The following PRR3 variants were observed in gnomAD, a reference collection of about 807,000 sequenced individuals.
PRR3 encodes the protein proline-rich protein 3.
A neutral mutation model predicts 22.4 loss-of-function variants in PRR3; 16 were observed. The ratio of observed to expected loss-of-function variants is 0.71; its 90% CI spans 0.48 to 1.09. PRR3 has a LOEUF of 1.09. PRR3 is among the 50% of genes least tolerant of loss of function. The pLI is 0.00. For synonymous variants in PRR3, 87 were observed against 88.6 expected (o/e 0.98, Z 0.10); for missense variants, 224 against 243.4 (o/e 0.92, Z 0.53).
In PRR3 at chr6:30,561,691, G is replaced by T. The variant is rs1355300756; in HGVS notation, c.170-143G>T. 1 of 707,232 alleles carries T rather than the reference G, an allele frequency of 1.4e-6. No individual in the cohort carries two copies. The highest frequency in any genetic ancestry group is 1.8e-5 in the African/African-American group (1 of 55,732). The allele number at this position is 707,232 out of a possible 1,614,324, so 43.8% of individuals were successfully genotyped here. ...GTGGAAACTCAAGTGTGTCTACTTT[G>T]TGAGAACTGGGTTGTGCACTTAAAA... is the stretch of plus-strand genomic sequence containing the variant. On this transcript the variant is annotated intron_variant, in intron 2 of 3. Coordinates refer to ENST00000376560, the MANE Select transcript of PRR3 (RefSeq NM_025263.4). This position sits in a 1 kb window ranked among gnomAD's most constrained non-coding sequence, Gnocchi z 4.0.
chr6:30,557,064 G>A, upstream of PRR3: 1 of 701,968 alleles, frequency 1.4e-6, no homozygotes, highest in South Asian at 1.5e-5. Context: ...AGCTGGTTGT[G>A]GTGTTTTCCA....
rs1800307366 is a variant in PRR3 at position 30,557,306 on chromosome 6, T to C, written c.-39T>C. 6.5e-7 allele frequency: 1 copy of C among 1,542,538 alleles called. No homozygotes were observed. Among genetic ancestry groups the C allele is most frequent in the East Asian group, 2.3e-5 (1 of 43,952 alleles). On this transcript the variant is annotated 5_prime_UTR_variant, in exon 1 of 4. Coordinates refer to ENST00000376560, the MANE Select transcript of PRR3 (RefSeq NM_025263.4). Reference sequence around the variant, plus strand: ...GAATCCCCGCGTGCCCCTTCCTCACTACCCTCCAAATCCCGCTGCAGCCAT... The same window carrying C: ...GAATCCCCGCGTGCCCCTTCCTCACCACCCTCCAAATCCCGCTGCAGCCAT...
chr6:30,561,427 G>A lies in PRR3; in HGVS notation c.170-407G>A, dbSNP rs778597977. ...GGACTACACTGCAACGAAAATGAATGAACTGCTGCTACAGGCAACCTGGAT... is the reference window on the plus strand; with the variant it reads ...GGACTACACTGCAACGAAAATGAATAAACTGCTGCTACAGGCAACCTGGAT... On this transcript the variant is annotated intron_variant, in intron 2 of 3. Transcript: ENST00000376560. The surrounding 1 kb of genome is among the most constrained non-coding windows in gnomAD (Gnocchi z 4.0). 1 of 484,082 alleles carries A rather than the reference G, an allele frequency of 2.1e-6. No homozygotes were observed. The highest frequency in any genetic ancestry group is 4.1e-6 in the Non-Finnish European group (1 of 246,430). 30.0% of individuals were successfully genotyped at this position (484,082 alleles called of 1,614,324 possible).
Position 30,561,957 on chromosome 6 carries a change from G to A in PRR3, c.293G>A (p.Gly98Asp). 6.2e-7 allele frequency: 1 copy of A among 1,613,026 alleles called. No individual in the cohort carries two copies. The highest frequency in any genetic ancestry group is 8.5e-7 in the Non-Finnish European group (1 of 1,180,032). The change falls in exon 3 of 4, where the codon GGT becomes GAT. Residue 98 changes from glycine (G) to aspartate (D), a missense_variant. Physicochemically the swap from Gly to Asp is moderately conservative, Grantham distance 94 (BLOSUM62 -1). Transcript: ENST00000376560. This position sits in a 1 kb window ranked among gnomAD's most constrained non-coding sequence, Gnocchi z 4.0. ...RGLGPRSSPY[G>D]RGWWGVNAEP... ...CTTGGCCCCAGGTCTAGCCCATATGGTCGTGGTTGGTGGGGAGTCAATGCA... is the reference window on the plus strand; with the variant it reads ...CTTGGCCCCAGGTCTAGCCCATATGATCGTGGTTGGTGGGGAGTCAATGCA...
At position 30,562,896 on chromosome 6, in the gene PRR3, G is replaced by T; in HGVS notation, c.*401G>T. Reference sequence around the variant, plus strand: ...GGTTTCCTACCATTCCCTTCTTTTAGCTGCTTGTTTTAAGTCCTTTTTATG... The same window carrying T: ...GGTTTCCTACCATTCCCTTCTTTTATCTGCTTGTTTTAAGTCCTTTTTATG... On this transcript the variant is annotated 3_prime_UTR_variant, in exon 4 of 4. Transcript: ENST00000376560. 1 of 163,822 alleles carries T rather than the reference G, an allele frequency of 6.1e-6. No homozygotes were observed. Among genetic ancestry groups the T allele is most frequent in the Non-Finnish European group, 1.3e-5 (1 of 75,836 alleles). The allele number at this position is 163,822 out of a possible 1,614,324, so 10.1% of individuals were successfully genotyped here.
At position 30,558,156 on chromosome 6, in the gene PRR3, C is replaced by T. The variant is rs199690651; in HGVS notation, c.113C>T (p.Pro38Leu). The T allele has an allele frequency of 3.5e-4, 562 of 1,612,784 alleles. No homozygotes were observed. The highest frequency in any genetic ancestry group is 4.6e-4 in the Non-Finnish European group (548 of 1,179,896). ...TTTTCATGTCTGCTCTTAGGACCAC[C>T]CAGCCTTCTGGGCCCTCCCCCCATG... is the stretch of plus-strand genomic sequence containing the variant. Reference protein sequence around the residue: ...DEEDGSPIGPPSLLGPPPMAN... With the variant: ...DEEDGSPIGPLSLLGPPPMAN... The change falls in exon 2 of 4, where the codon CCC becomes CTC. Residue 38 changes from proline to leucine, a missense_variant. Pro to Leu is a moderately conservative substitution (Grantham distance 98, BLOSUM62 -3). Transcript: ENST00000376560.
chr6:30,557,444 C>T lies in PRR3; in HGVS notation c.100C>T (p.Pro34Ser). 1 of 1,607,892 alleles carries T rather than the reference C, an allele frequency of 6.2e-7. No individual in the cohort carries two copies. ...EETGDEEDGS[P>S]IGPPSLLGPP... The stretch of plus-strand genomic sequence containing the variant: ...GACTGGAGATGAGGAGGATGGGAGT[C>T]CCATCGGTGAGGGGTCTGGGAGGGA... The change falls in exon 1 of 4, where the codon CCC becomes TCC. Residue 34 changes from proline (P) to serine (S), a missense_variant. Coordinates refer to ENST00000376560, the MANE Select transcript of PRR3 (RefSeq NM_025263.4).
chr6:30,558,785 C>T (rs1800426228), intron 2 of PRR3, among the ~76,000 whole-genome samples: 1 of 152,146 alleles, frequency 6.6e-6, no homozygotes, highest in Admixed American at 6.5e-5. Context: ...CAGGCCCATA[C>T]ATGTGTGGAC....
At chr6:30,556,845 C>T (rs1429040136), upstream of PRR3, 4 of 557,298 alleles carry the variant, frequency 7.2e-6, no homozygotes, top group Non-Finnish European at 9.6e-6. This position sits in a 1 kb window ranked among gnomAD's most constrained non-coding sequence, Gnocchi z 5.7. Context: ...TGATAAGGAG[C>T]AGGTTTACAG....
In PRR3 at chr6:30,561,769, C is replaced by T. The variant is rs528976017; in HGVS notation, c.170-65C>T. On this transcript the variant is annotated intron_variant, in intron 2 of 3. Transcript: ENST00000376560. The surrounding 1 kb of genome is among the most constrained non-coding windows in gnomAD (Gnocchi z 4.0). Reference sequence around the variant, plus strand: ...TCAATAAAAAAAATTTTTTTAATCACGGTTTATCAGGATTCAGCTGCCCAT... The same window carrying T: ...TCAATAAAAAAAATTTTTTTAATCATGGTTTATCAGGATTCAGCTGCCCAT... 32 of 1,441,526 alleles carry T rather than the reference C, an allele frequency of 2.2e-5. No homozygotes were observed. Among genetic ancestry groups the T allele is most frequent in the South Asian group, 2.9e-5 (2 of 68,314 alleles). 89.3% of individuals were successfully genotyped at this position (1,441,526 alleles called of 1,614,324 possible).
chr6:30,559,907 T>C (rs927008637), intron 2 of PRR3: 1 of 152,200 alleles, frequency 6.6e-6, no homozygotes, highest in Non-Finnish European at 1.5e-5. Flanking sequence ...GCAACCCACA[T>C]GTCCACTGAT....
intron 2 of PRR3, among the ~76,000 whole-genome samples, chr6:30,559,129 G>A (rs1037493107): frequency 2.0e-5 from 3 of 152,212 alleles, no homozygotes; most frequent in Admixed American, 1.3e-4. Context: ...TGTAATCCCA[G>A]CACTTTGGGA....
At chr6:30,558,466 G>A in intron 2 of PRR3, 1 of 509,884 alleles carries the variant, frequency 2.0e-6, no homozygotes, top group South Asian at 2.8e-5. Flanking sequence ...CATTATTATA[G>A]GGAAATGCAA....
Position 30,562,234 on chromosome 6 carries a change from T to C in PRR3, c.460+110T>C, listed in dbSNP as rs1800689742. The C allele has an allele frequency of 3.9e-6, 5 of 1,286,050 alleles. 1 individual carries two copies. The South Asian group carries it at 7.1e-5, about 18-fold the overall frequency. The allele number at this position is 1,286,050 out of a possible 1,614,324, so 79.7% of individuals were successfully genotyped here. ...TTTGCTTTTGAAGCAGAAGTAGACC[T>C]CAATGTTATTTCTCCCAGGAGAAAG... On this transcript the variant is annotated intron_variant, in intron 3 of 3. Coordinates refer to ENST00000376560, the MANE Select transcript of PRR3 (RefSeq NM_025263.4).
chr6:30,561,209 G>A lies in PRR3; in HGVS notation c.170-625G>A. ...AAGTTTGGCATTATGTATGAAACTT[G>A]AGCATAACATATACTTTATAAGCCA... On this transcript the variant is annotated intron_variant, in intron 2 of 3. Coordinates refer to ENST00000376560, the MANE Select transcript of PRR3 (RefSeq NM_025263.4). The surrounding 1 kb of genome is among the most constrained non-coding windows in gnomAD (Gnocchi z 4.0). 2.9e-6 allele frequency: 1 copy of A among 344,082 alleles called. No individual in the cohort carries two copies. Among genetic ancestry groups the A allele is most frequent in the Non-Finnish European group, 5.7e-6 (1 of 176,896 alleles). 21.3% of individuals were successfully genotyped at this position (344,082 alleles called of 1,614,324 possible).
At chr6:30,557,935 A>G (rs1800368789) in intron 1 of PRR3, among the ~76,000 whole-genome samples, 1 of 152,230 alleles carries the variant, frequency 6.6e-6, no homozygotes, top group Non-Finnish European at 1.5e-5. Context: ...TTCCTGCATT[A>G]TCCCCTTTGA....
intron 1 of PRR3, 78 bp downstream of exon 1, chr6:30,557,528 G>A: frequency 9.9e-7 from 1 of 1,007,474 alleles, no homozygotes; most frequent in Non-Finnish European, 1.5e-6. Context: ...AAGGTGCGAA[G>A]GAGGGGGCTG....
chr6:30,557,395 GC>G lies in PRR3; in HGVS notation c.56del (p.Pro19ArgfsTer51). 1 of 1,612,754 alleles carries G rather than the reference GC, an allele frequency of 6.2e-7. No homozygotes were observed. The highest frequency in any genetic ancestry group is 8.5e-7 in the Non-Finnish European group (1 of 1,179,984). On this transcript the variant is annotated frameshift_variant, in exon 1 of 4. Transcript: ENST00000376560. LOFTEE classifies it high-confidence loss of function. ...ATCACCAGCCACCGACACAGCAGCA[GC>G]CCCCGCTGCCCGAGCGGGAAGAGAC... ...NHHQPPTQQQ[P>X]PLPEREETGD...
Position 30,562,518 on chromosome 6 carries a change from T to TGGATG in PRR3, c.*26_*27insTGGGA. 6.9e-7 allele frequency: 1 copy of TGGATG among 1,451,060 alleles called. No individual in the cohort carries two copies. Among genetic ancestry groups the TGGATG allele is most frequent in the Non-Finnish European group, 9.7e-7 (1 of 1,033,406 alleles). The allele number at this position is 1,451,060 out of a possible 1,614,324, so 89.9% of individuals were successfully genotyped here. A position where few individuals can be genotyped will look rare whatever the true frequency, so the allele number is the denominator to read the frequency against. ...TGAGACTGTGCCTTCCCATCCAGGC[T>TGGATG]GGAAGGAGCTCTCTGTGACCTAGCG... On this transcript the variant is annotated 3_prime_UTR_variant, in exon 4 of 4. Coordinates refer to ENST00000376560, the MANE Select transcript of PRR3 (RefSeq NM_025263.4).
Sources: allele counts gnomAD v4.1 joint callset (sites outside exome capture counted in the v4.1 genomes callset), GRCh38; gene constraint gnomAD v4.1.1; non-coding constraint Gnocchi (gnomAD v3.1); transcripts MANE v1.5; gene names NCBI Gene and HGNC (gene_info 2026-07-23, HGNC 2026-07-21).